Variants in SYN3 observed in about 807,000 individuals in gnomAD.
The protein encoded by SYN3 is synapsin III.
SYN3 carries 35 observed loss-of-function variants against 65.8 expected under a neutral mutation model. The ratio of observed to expected loss-of-function variants is 0.53; its 90% confidence interval spans 0.41 to 0.70. SYN3 has a LOEUF of 0.70. SYN3 is among the 30% of genes least tolerant of loss of function. SYN3 has a pLI of 0.00. For synonymous variants in SYN3, 270 were observed against 292.9 expected (o/e 0.92, Z 0.80); for missense variants, 680 against 749.0 (o/e 0.91, Z 1.08).
chr22:32,522,708 G>A (rs530312012), intron 12 of SYN3, among the ~76,000 whole-genome samples: 3 of 152,158 alleles, frequency 2.0e-5, no homozygotes, highest in South Asian at 2.1e-4. Flanking sequence ...CACCTTCTAC[G>A]CACTATCTCT....
intron 12 of SYN3, among the ~76,000 whole-genome samples, chr22:32,524,878 G>T (rs547760736): frequency 6.6e-6 from 1 of 152,088 alleles, no homozygotes; most frequent in Non-Finnish European, 1.5e-5. Context: ...GCATGGTGGC[G>T]CGTGCCTGTA....
In SYN3 at chr22:32,642,148, G is replaced by A. The variant is rs568096041; in HGVS notation, c.712-45412C>T. Among the ~76,000 whole-genome samples the A allele has an allele frequency of 1.5e-3, 229 of 152,034 alleles. 1 individual carries two copies. The highest frequency in any genetic ancestry group is 3.4e-3 in the Middle Eastern group (1 of 294). On this transcript the variant is annotated intron_variant, in intron 6 of 13. Coordinates refer to ENST00000358763, the MANE Select transcript of SYN3 (RefSeq NM_003490.4). ...CTACTAAAAATACAAAAATTAGCCA[G>A]GCGTGGTGCAAGCGCCTGTAATCCC...
intron 7 of SYN3, among the ~76,000 whole-genome samples, chr22:32,591,592 G>T (rs1426971799): frequency 1.3e-5 from 2 of 152,166 alleles, no homozygotes; most frequent in Admixed American, 6.5e-5. Context: ...TTCAGAACAT[G>T]CTTTGAAACA....
chr22:32,761,788 A>C (rs1159048111), intron 6 of SYN3, among the ~76,000 whole-genome samples: 2 of 152,116 alleles, frequency 1.3e-5, no homozygotes, highest in Non-Finnish European at 2.9e-5. Flanking sequence ...CAACCTCAAA[A>C]CCAGTCTCCA....
intron 6 of SYN3, among the ~76,000 whole-genome samples, chr22:32,797,163 G>A (rs1157337393): frequency 6.6e-6 from 1 of 152,158 alleles, no homozygotes; most frequent in African/African-American, 2.4e-5. Flanking sequence ...CTGGCTTATA[G>A]CGCCCCCTAG....
intron 1 of SYN3, among the ~76,000 whole-genome samples, chr22:33,018,532 C>G (rs570210288): frequency 6.6e-6 from 1 of 152,308 alleles, no homozygotes; most frequent in South Asian, 2.1e-4. Context: ...TGAAGAAAAA[C>G]TTCACTGGGA....
Position 32,511,210 on chromosome 22 carries a change from A to G in SYN3, c.*2482T>C, listed in dbSNP as rs2146033038. On this transcript the variant is annotated 3_prime_UTR_variant, in exon 14 of 14. Transcript: ENST00000358763. ...AGAAATTCCAAGGGAGTGGTGAAAG[A>G]ATTAAGTGAGCAGCAGCAGGAGGAT... Among the ~76,000 whole-genome samples, 1 of 152,278 alleles carries G rather than the reference A, an allele frequency of 6.6e-6. No individual in the cohort carries two copies. Among genetic ancestry groups the G allele is most frequent in the East Asian group, 1.9e-4 (1 of 5,184 alleles).
intron 6 of SYN3, among the ~76,000 whole-genome samples, chr22:32,598,604 G>A (rs1267024409): frequency 6.6e-6 from 1 of 152,144 alleles, no homozygotes; most frequent in Non-Finnish European, 1.5e-5. Context: ...TCCTGCCTCA[G>A]CCTCCCAAAT....
At chr22:32,594,214 G>A (rs1210531117) in intron 7 of SYN3, among the ~76,000 whole-genome samples, 1 of 152,092 alleles carries the variant, frequency 6.6e-6, no homozygotes, top group Non-Finnish European at 1.5e-5. Flanking sequence ...AGCAAGAAGT[G>A]GGGCAGGGGG....
intron 6 of SYN3, among the ~76,000 whole-genome samples, chr22:32,646,140 A>C (rs1360385555): frequency 6.6e-6 from 1 of 152,202 alleles, no homozygotes; most frequent in Non-Finnish European, 1.5e-5. Flanking sequence ...ATTCCCGTGC[A>C]TCCAGGAAGA....
chr22:32,984,017 G>A (rs997683772), intron 2 of SYN3, among the ~76,000 whole-genome samples: 7 of 151,900 alleles, frequency 4.6e-5, no homozygotes, highest in African/African-American at 1.7e-4. Flanking sequence ...CAATTAGCCA[G>A]GAGTGGTGGT....
chr22:32,767,630 C>T (rs2045661161), intron 6 of SYN3, among the ~76,000 whole-genome samples: 1 of 152,252 alleles, frequency 6.6e-6, no homozygotes, highest in African/African-American at 2.4e-5. Context: ...CATTATTCCA[C>T]TGTCTTTGAA....
intron 6 of SYN3, among the ~76,000 whole-genome samples, chr22:32,703,674 A>G (rs1026441490): frequency 1.7e-4 from 26 of 151,654 alleles, no homozygotes; most frequent in Non-Finnish European, 3.5e-4. Flanking sequence ...AGTTTTGCCT[A>G]TGTTCTAAGT....
intron 13 of SYN3, 51 bp downstream of exon 13, chr22:32,517,992 G>A (rs2057806301): frequency 7.0e-7 from 1 of 1,423,128 alleles, no homozygotes. Flanking sequence ...GCCAAGCTCT[G>A]CCTACACCCC....
intron 4 of SYN3, among the ~76,000 whole-genome samples, chr22:32,876,007 C>T (rs1331586884): frequency 1.3e-5 from 2 of 152,194 alleles, no homozygotes; most frequent in African/African-American, 4.8e-5. Flanking sequence ...ATGCATGGCC[C>T]CATTCCCCAC....
chr22:32,905,583 G>A (rs1012383670), intron 4 of SYN3, among the ~76,000 whole-genome samples: 2 of 152,248 alleles, frequency 1.3e-5, no homozygotes, highest in African/African-American at 4.8e-5. Flanking sequence ...TCTCACAGGC[G>A]CATTGCCAGG....
At chr22:32,868,531 C>T (rs1002907609) in intron 5 of SYN3, among the ~76,000 whole-genome samples, 1 of 151,942 alleles carries the variant, frequency 6.6e-6, no homozygotes, top group African/African-American at 2.4e-5. Flanking sequence ...ACCTCCGCCT[C>T]CCGGGTTCAA....
At chr22:32,882,687 T>C (rs1437300475) in intron 4 of SYN3, among the ~76,000 whole-genome samples, 2 of 151,804 alleles carry the variant, frequency 1.3e-5, no homozygotes, top group Non-Finnish European at 2.9e-5. Context: ...TTATTCTCTG[T>C]ACTTTTTCTA....
chr22:32,994,716 G>A (rs1158410219), intron 2 of SYN3, among the ~76,000 whole-genome samples: 3 of 152,144 alleles, frequency 2.0e-5, no homozygotes, highest in Admixed American at 6.5e-5. Context: ...CTGCCAGCCC[G>A]CCAGGATCTC....
Sources: gnomAD v4.1 joint callset for allele counts (sites outside exome capture counted in the v4.1 genomes callset) on GRCh38, gnomAD v4.1.1 for gene constraint, MANE v1.5 for transcripts, NCBI Gene and HGNC (gene_info 2026-07-23, HGNC 2026-07-21) for gene names.